The following GUSB variants were observed in gnomAD, a reference collection of about 807,000 sequenced individuals.
The protein encoded by GUSB is glucuronidase beta.
Under a neutral mutation model 74.6 loss-of-function variants are expected in GUSB, and 51 were observed. The ratio of observed to expected loss-of-function variants is 0.68; its 90% CI spans 0.55 to 0.86. GUSB has a LOEUF of 0.86. Ranked by LOEUF, GUSB falls within the 40% of genes least tolerant of loss-of-function variation. GUSB has a pLI of 0.00. For missense variants in GUSB, 736 were observed against 853.7 expected (o/e 0.86, Z 1.72); for synonymous variants, 360 against 348.3 (o/e 1.03, Z -0.37).
In GUSB at chr7:65,967,790, ACTT is replaced by A. The variant is rs758492902; in HGVS notation, c.1591_1593del (p.Lys531del). On this transcript the variant is annotated inframe_deletion, in exon 10 of 12. Transcript: ENST00000304895. The stretch of plus-strand genomic sequence containing the variant: ...TCGCTCTGAATAATGGGCTTCTGAT[ACTT>A]CTTATACCAGTTCTCAAACTGGGTG... The A allele has an allele frequency of 6.2e-7, 1 of 1,613,224 alleles. No individual in the cohort carries two copies. The highest frequency in any genetic ancestry group is 8.5e-7 in the Non-Finnish European group (1 of 1,179,814).
intron 9 of GUSB, among the ~76,000 whole-genome samples, chr7:65,968,230 CAAAAAAAAA>C (rs60554800): frequency 8.1e-6 from 1 of 123,382 alleles, no homozygotes; most frequent in Admixed American, 8.5e-5. Context: ...CCATTTCTAC[CAAAAAAAAA>C]AAAAAAAAAA....
intron 11 of GUSB, among the ~76,000 whole-genome samples, chr7:65,961,558 GTC>G (rs1790498084): frequency 6.6e-6 from 1 of 152,074 alleles, no homozygotes; most frequent in Admixed American, 6.6e-5. Context: ...TAGTTTTCTA[GTC>G]TGTTAGGGGA....
rs1380146797 is a variant in GUSB, at chr7:65,979,826, G to C, written c.482C>G (p.Pro161Arg). ...AGTGATTCGGAGCCGGGAGGGCAGG[G>C]GCCCCACCTGGACCAGGTTGCTGAT... ...ADISNLVQVG[P>R]LPSRLRITIA... is the part of the protein sequence containing the mutation. Residue 161 changes from proline (P) to arginine (R), a missense_variant, in exon 3 of 12, where the codon CCC (proline) becomes CGC (arginine). Physicochemically the swap from Pro to Arg is moderately radical, Grantham distance 103 (BLOSUM62 -2). Around this residue, in one of 2 missense-constraint regions of GUSB, gnomAD observed 368 missense variants for 363.8 expected, o/e 1.01. Coordinates refer to ENST00000304895, the MANE Select transcript of GUSB (RefSeq NM_000181.4). 3 of 1,613,674 alleles carry C rather than the reference G, an allele frequency of 1.9e-6. No individual in the cohort carries two copies. Among genetic ancestry groups the C allele is most frequent in the African/African-American group, 2.7e-5 (2 of 75,010 alleles).
intron 4 of GUSB, among the ~76,000 whole-genome samples, chr7:65,977,010 G>A (rs1404504654): frequency 1.3e-5 from 2 of 151,978 alleles, no homozygotes; most frequent in Non-Finnish European, 2.9e-5. Flanking sequence ...TGTGCAACCA[G>A]AGGACGGCCC....
At chr7:65,980,073 C>G in intron 2 of GUSB, 151 bp downstream of exon 2, 1 of 952,552 alleles carries the variant, frequency 1.0e-6, no homozygotes, top group Non-Finnish European at 1.6e-6. Context: ...CTACCTATCC[C>G]CCTATACAGG....
In GUSB at chr7:65,961,034, C is replaced by T. The variant is rs1445253983; in HGVS notation, c.1819G>A (p.Gly607Arg). ...SPTRVLGNKK[G>R]IFTRQRQPKS... is the part of the protein sequence containing the mutation. ...GGTTGTCTCTGCCGAGTGAAGATCC[C>T]CTTTTTATTCCCCAGCACTCTCGTC... The change falls in exon 12 of 12, where the codon GGG (glycine) becomes AGG (arginine). Residue 607 changes from glycine to arginine, a missense_variant. Around this residue, in one of 2 missense-constraint regions of GUSB, gnomAD observed 368 missense variants for 489.9 expected, o/e 0.75. Transcript: ENST00000304895. 1.9e-6 allele frequency: 3 copies of T among 1,613,650 alleles called. No homozygotes were observed. The highest frequency in any genetic ancestry group is 1.3e-5 in the African/African-American group (1 of 74,788).
intron 11 of GUSB, 78 bp from the exon 12 acceptor site, chr7:65,961,141 G>A: frequency 1.5e-6 from 2 of 1,341,614 alleles, no homozygotes; most frequent in Non-Finnish European, 2.1e-6. Context: ...TGGAGCTAAG[G>A]TAGGCACTAA....
chr7:65,965,832 G>A lies in GUSB; in HGVS notation c.1654-1374C>T, dbSNP rs954158029. On this transcript the variant is annotated intron_variant, in intron 10 of 11. Coordinates refer to ENST00000304895, the MANE Select transcript of GUSB (RefSeq NM_000181.4). ...GAGCCACCATGCCCAGCACTGCAGA[G>A]GTTCTATCAGCACTGACCTAGACCC... Among the ~76,000 whole-genome samples, 8 of 152,238 alleles carry A rather than the reference G, an allele frequency of 5.3e-5. No homozygotes were observed. The South Asian group carries it at 1.5e-3, about 28-fold the overall frequency.
intron 11 of GUSB, 77 bp downstream of exon 11, chr7:65,964,246 G>T: frequency 8.0e-7 from 1 of 1,242,306 alleles, no homozygotes; most frequent in Non-Finnish European, 1.2e-6. Context: ...TCTTACAATT[G>T]AAATGGCCAG....
chr7:65,981,910 C>T (rs924852128), intron 1 of GUSB, 64 bp downstream of exon 1: 34 of 1,397,048 alleles, frequency 2.4e-5, no homozygotes, highest in Non-Finnish European at 3.2e-5. Context: ...TGCGGGGGGC[C>T]CGGGCTCCCC....
intron 11 of GUSB, among the ~76,000 whole-genome samples, chr7:65,963,465 G>A (rs937108): frequency 0.12 from 18,944 of 152,184 alleles, 1,342 homozygotes; most frequent in Middle Eastern, 0.21. Flanking sequence ...CATAAACTAA[G>A]AAGAAATGGG....
At chr7:65,961,353 C>T (rs1790486036) in intron 11 of GUSB, among the ~76,000 whole-genome samples, 1 of 152,056 alleles carries the variant, frequency 6.6e-6, no homozygotes, top group Non-Finnish European at 1.5e-5. Flanking sequence ...AGGCTGGTCT[C>T]AAACTACTGG....
chr7:65,965,697 TTTTA>T (rs1790787580), intron 10 of GUSB, among the ~76,000 whole-genome samples: 1 of 152,038 alleles, frequency 6.6e-6, no homozygotes, highest in Non-Finnish European at 1.5e-5. Flanking sequence ...GCCCAACTAA[TTTTA>T]AATTTTTTGT....
At chr7:65,964,233 T>C in intron 11 of GUSB, 90 bp downstream of exon 11, 1 of 1,146,090 alleles carries the variant, frequency 8.7e-7, no homozygotes, top group Non-Finnish European at 1.3e-6. Flanking sequence ...TTGTTTCCAA[T>C]ATTCTTACAA....
intron 2 of GUSB, 64 bp downstream of exon 2, chr7:65,980,160 A>G: frequency 7.0e-7 from 1 of 1,431,866 alleles, no homozygotes; most frequent in Non-Finnish European, 9.6e-7. Context: ...TGGCAGCTGG[A>G]GGTCCCATGC....
intron 1 of GUSB, 107 bp from the exon 2 acceptor site, chr7:65,980,516 G>A (rs914509675): frequency 6.0e-6 from 6 of 993,400 alleles, no homozygotes; most frequent in South Asian, 2.8e-5. Context: ...GACACATAGC[G>A]GGGATTCTTG....
Position 65,979,228 on chromosome 7 carries a change from T to C in GUSB, c.724+171A>G, listed in dbSNP as rs531582170. Among the ~76,000 whole-genome samples the C allele has an allele frequency of 3.0e-4, 45 of 152,260 alleles. No homozygotes were observed. In the South Asian group the frequency reaches 8.5e-3, roughly 29 times the overall value. ...AGCGAGGTCAACCACACGGGTGATT[T>C]TGGGAGCCCGTATCCGCTCACACAG... On this transcript the variant is annotated intron_variant, in intron 4 of 11. Transcript: ENST00000304895.
intron 8 of GUSB, 61 bp from the exon 9 acceptor site, chr7:65,970,427 C>G: frequency 9.6e-7 from 1 of 1,044,930 alleles, no homozygotes; most frequent in Admixed American, 1.7e-5. Context: ...AGACACCCTC[C>G]CATCCTCTCT....
intron 8 of GUSB, among the ~76,000 whole-genome samples, chr7:65,971,765 A>G (rs1583912570): frequency 6.6e-6 from 1 of 151,046 alleles, no homozygotes; most frequent in African/African-American, 2.4e-5. Context: ...ACTTAGCCTG[A>G]CATGGCCGCA....
Sources: gnomAD v4.1 joint callset for allele counts (sites outside exome capture counted in the v4.1 genomes callset) on GRCh38, gnomAD v4.1.1 for gene constraint, gnomAD v4.1.1 regional missense constraint, MANE v1.5 for transcripts, NCBI Gene and HGNC (gene_info 2026-07-23, HGNC 2026-07-21) for gene names.